The following GDF1 variants were observed in gnomAD, a reference collection of about 807,000 sequenced individuals.
GDF1 encodes growth differentiation factor 1, also known as embryonic growth/differentiation factor 1.
A neutral mutation model predicts 7.4 loss-of-function variants in GDF1; 8 were observed. The ratio of observed to expected loss-of-function variants is 1.09; its 90% CI spans 0.64 to 1.96. The LOEUF (loss-of-function observed/expected upper bound fraction) is 1.96, where lower values mean the gene tolerates loss of function less well. Among genes scored for constraint, GDF1 ranks in the 30% most tolerant of loss-of-function variants. GDF1 has a pLI of 0.00. For synonymous variants in GDF1, 311 were observed against 276.7 expected, an observed-to-expected ratio of 1.12 and a Z score of -1.23; for missense variants, 574 against 551.5, an observed-to-expected ratio of 1.04 and a Z score of -0.41.
intron 3 of GDF1, among the ~76,000 whole-genome samples, chr19:18,882,929 G>A (rs1037321220): frequency 3.9e-5 from 6 of 152,132 alleles, no homozygotes; most frequent in African/African-American, 1.4e-4. Context: ...CTGACCTCAT[G>A]ATCCGCTCGC....
intron 6 of GDF1, among the ~76,000 whole-genome samples, chr19:18,873,483 C>G (rs192096964): frequency 6.6e-6 from 1 of 151,060 alleles, no homozygotes; most frequent in Admixed American, 6.6e-5. Context: ...GATCACCTGA[C>G]CCTAGGAGTT....
At position 18,893,400 on chromosome 19, in the gene GDF1, C is replaced by A; in HGVS notation, c.-914+16G>T. On this transcript the variant is annotated intron_variant, in intron 2 of 7. Coordinates refer to ENST00000247005, the MANE Select transcript of GDF1 (RefSeq NM_001492.6). ...TTTAAGCAGAGCCCTCCCGGCCATC[C>A]CCTCAGGGCCCCTACCGTAGAAGAC... 1 of 1,592,540 alleles carries A rather than the reference C, an allele frequency of 6.3e-7. No homozygotes were observed. The highest frequency in any genetic ancestry group is 1.3e-5 in the African/African-American group (1 of 74,618).
chr19:18,890,156 C>T (rs753475832), intron 2 of GDF1, among the ~76,000 whole-genome samples: 3 of 152,234 alleles, frequency 2.0e-5, no homozygotes, highest in Non-Finnish European at 2.9e-5. Context: ...GGACAGCAGT[C>T]CCTGCCTCTC....
At chr19:18,890,736 G>A (rs1037413345) in intron 2 of GDF1, among the ~76,000 whole-genome samples, 1 of 149,916 alleles carries the variant, frequency 6.7e-6, no homozygotes, top group Non-Finnish European at 1.5e-5. Context: ...AGCTGTGATC[G>A]TGCCACTGTA....
At position 18,870,321 on chromosome 19, in the gene GDF1, G is replaced by A; in HGVS notation, c.-14C>T. On this transcript the variant is annotated 5_prime_UTR_variant, in exon 7 of 8. Coordinates refer to ENST00000247005, the MANE Select transcript of GDF1 (RefSeq NM_001492.6). The surrounding 1 kb of genome is among the most constrained non-coding windows in gnomAD (Gnocchi z 5.1). Reference sequence around the variant, plus strand: ...CGGCGGTGGCATCTTCCTCCCAGGCGATGACCAGAGAGTGCGCAGGGTCCG... The same window carrying A: ...CGGCGGTGGCATCTTCCTCCCAGGCAATGACCAGAGAGTGCGCAGGGTCCG... 1 of 1,545,066 alleles carries A rather than the reference G, an allele frequency of 6.5e-7. No homozygotes were observed. The highest frequency in any genetic ancestry group is 8.7e-7 in the Non-Finnish European group (1 of 1,146,342).
intron 3 of GDF1, among the ~76,000 whole-genome samples, chr19:18,880,823 G>C (rs1452065192): frequency 6.6e-6 from 1 of 151,960 alleles, no homozygotes; most frequent in Admixed American, 6.6e-5. Flanking sequence ...TCAGCCCCCG[G>C]AGAAGCTGGG....
chr19:18,886,848 C>T (rs951307086), intron 2 of GDF1, among the ~76,000 whole-genome samples: 2 of 152,236 alleles, frequency 1.3e-5, no homozygotes, highest in Non-Finnish European at 2.9e-5. Context: ...ATCCAGGGTC[C>T]CCTCTTTGGC....
At chr19:18,875,585 C>CCT (rs1399632995) in intron 6 of GDF1, among the ~76,000 whole-genome samples, 48 of 151,686 alleles carry the variant, frequency 3.2e-4, no homozygotes, top group African/African-American at 1.2e-3. Flanking sequence ...ACTGTTAAAA[C>CCT]GGTAATCCAC....
chr19:18,879,510 C>T (rs1485136895), intron 4 of GDF1, 122 bp from the exon 5 acceptor site: 10 of 1,174,444 alleles, frequency 8.5e-6, no homozygotes, highest in African/African-American at 1.5e-5. Context: ...CCTCTGCCCA[C>T]CTGTTTCTAC....
intron 6 of GDF1, among the ~76,000 whole-genome samples, chr19:18,877,040 A>G (rs2056071827): frequency 6.6e-6 from 1 of 152,214 alleles, no homozygotes; most frequent in African/African-American, 2.4e-5. Flanking sequence ...GACGTCTCTC[A>G]GCCTGACTGC....
In GDF1 at chr19:18,878,721, C is replaced by G. The variant is rs2056113394; in HGVS notation, c.-313+209G>C. On this transcript the variant is annotated intron_variant, in intron 6 of 7. Transcript: ENST00000247005. This position sits in a 1 kb window ranked among gnomAD's most constrained non-coding sequence, Gnocchi z 4.6. The stretch of plus-strand genomic sequence containing the variant: ...GTCGCCCTGCCTGCCCCTCCCCAGC[C>G]TCTCCCTCCCCTTCCTCACTGTCCT... 1 of 1,382,164 alleles carries G rather than the reference C, an allele frequency of 7.2e-7. No individual in the cohort carries two copies. The highest frequency in any genetic ancestry group is 3.0e-5 in the Admixed American group (1 of 32,862). The allele number at this position is 1,382,164 out of a possible 1,614,324, so 85.6% of individuals were successfully genotyped here.
At chr19:18,893,709 C>G (rs984161243) in intron 1 of GDF1, 134 bp from the exon 2 acceptor site, 1 of 870,420 alleles carries the variant, frequency 1.1e-6, no homozygotes, top group African/African-American at 1.7e-5. Flanking sequence ...ATGCCCACAG[C>G]CACCTGGAGC....
rs373527700 is a variant in GDF1 at position 18,884,094 on chromosome 19, C to T, written c.-740G>A. ...ACCCGATCCTGTCCTTACCGGAAGG[C>T]GTAGGAGGAGACGATGAGGATGAGA... On this transcript the variant is annotated 5_prime_UTR_variant, in exon 3 of 8. Transcript: ENST00000247005. The T allele has an allele frequency of 8.1e-6, 13 of 1,612,678 alleles. No individual in the cohort carries two copies. Among genetic ancestry groups the T allele is most frequent in the South Asian group, 1.1e-5 (1 of 90,874 alleles).
Position 18,870,053 on chromosome 19 carries a change from G to A in GDF1, c.255C>T (p.Val85=), listed in dbSNP as rs1379381506. The stretch of plus-strand genomic sequence containing the variant: ...CCTCCACGTGGCACGGTTGCAGGGT[G>A]ACCCCTGGGGACGTCCGCCGCGAGC... The part of the protein sequence containing the change: ...RSGSRRTSPG[V]TLQPCHVEEL... The change falls in exon 7 of 8, where the codon GTC becomes GTT. Residue 85 remains valine (V), a synonymous_variant. Transcript: ENST00000247005. The surrounding 1 kb of genome is among the most constrained non-coding windows in gnomAD (Gnocchi z 5.1). The A allele has an allele frequency of 1.3e-6, 2 of 1,589,260 alleles. No individual in the cohort carries two copies. The highest frequency in any genetic ancestry group is 1.7e-6 in the Non-Finnish European group (2 of 1,171,956).
At chr19:18,885,522 T>TCTG (rs1555705560) in intron 2 of GDF1, among the ~76,000 whole-genome samples, 1 of 138,308 alleles carries the variant, frequency 7.2e-6, no homozygotes, top group Non-Finnish European at 1.5e-5. Flanking sequence ...TTTTTTTTTT[T>TCTG]TTTTTTTTTT....
intron 7 of GDF1, 62 bp from the exon 8 acceptor site, chr19:18,869,452 G>T: frequency 6.6e-7 from 1 of 1,509,366 alleles, no homozygotes; most frequent in East Asian, 2.6e-5. Flanking sequence ...ATGGGGTCTC[G>T]GTTAGGGACA....
At chr19:18,871,013 C>T (rs1359774306) in intron 6 of GDF1, among the ~76,000 whole-genome samples, 1 of 152,174 alleles carries the variant, frequency 6.6e-6, no homozygotes, top group Non-Finnish European at 1.5e-5. Context: ...ACCCACCCCA[C>T]GAAGGCTAGT....
chr19:18,876,720 G>C (rs1281020967), intron 6 of GDF1, among the ~76,000 whole-genome samples: 1 of 152,130 alleles, frequency 6.6e-6, no homozygotes, highest in Non-Finnish European at 1.5e-5. Context: ...TAGATTTACA[G>C]AGATGCTACA....
At chr19:18,893,073 CCGG>C (rs2056534094) in intron 2 of GDF1, among the ~76,000 whole-genome samples, 2 of 151,946 alleles carry the variant, frequency 1.3e-5, no homozygotes. Flanking sequence ...CCCACCACAC[CCGG>C]CTAATTTTTT....
Sources: gnomAD v4.1 joint callset for allele counts (sites outside exome capture counted in the v4.1 genomes callset) on GRCh38, gnomAD v4.1.1 for gene constraint, Gnocchi (gnomAD v3.1) non-coding constraint, MANE v1.5 for transcripts, NCBI Gene and HGNC (gene_info 2026-07-23, HGNC 2026-07-21) for gene names.